Variants in PTPRK observed in about 807,000 individuals in gnomAD.
PTPRK encodes the protein receptor-type tyrosine-protein phosphatase kappa.
PTPRK carries 75 observed loss-of-function variants against 178.0 expected under a neutral mutation model. That is an observed-to-expected ratio of 0.42 (90% confidence interval 0.35 to 0.51). The LOEUF (loss-of-function observed/expected upper bound fraction) is 0.51. Among genes scored for constraint, PTPRK ranks in the 20% least tolerant of loss-of-function variants. PTPRK has a pLI of 0.02. For synonymous variants in PTPRK, 637 were observed against 620.6 expected (o/e 1.03, Z -0.39); for missense variants, 1,441 against 1,797.8 (o/e 0.80, Z 3.59).
intron 8 of PTPRK, among the ~76,000 whole-genome samples, chr6:128,084,436 T>G (rs151080423): frequency 4.6e-5 from 7 of 152,266 alleles, no homozygotes; most frequent in African/African-American, 9.6e-5. Context: ...GATGGATAGG[T>G]TCAAATGTCA....
chr6:128,248,285 T>TATAC (rs1324503165), intron 3 of PTPRK, among the ~76,000 whole-genome samples: 3 of 152,198 alleles, frequency 2.0e-5, no homozygotes, highest in Non-Finnish European at 4.4e-5. Flanking sequence ...TCTGTGTGTA[T>TATAC]ATACACATTA....
chr6:128,204,525 A>G (rs564175191), intron 6 of PTPRK, among the ~76,000 whole-genome samples: 12 of 152,328 alleles, frequency 7.9e-5, no homozygotes, highest in African/African-American at 2.9e-4. Flanking sequence ...TCCATCTGAC[A>G]AAAGTCTAAT....
At position 128,493,300 on chromosome 6, in the gene PTPRK, C is replaced by T. The variant is rs182317223; in HGVS notation, c.100+26959G>A. On this transcript the variant is annotated intron_variant, in intron 1 of 29. Transcript: ENST00000368226. ...CTAACTGGCTGGGCGCGGTGGCTCA[C>T]GCCTGCAATCCCAGCACTTTGGGAG... 1.9e-3 allele frequency among the ~76,000 whole-genome samples: 289 copies of T among 152,300 alleles called. 4 individuals are homozygous for T. The highest frequency in any genetic ancestry group is 0.014 in the Middle Eastern group (4 of 294).
chr6:128,115,952 T>A (rs1179860560), intron 7 of PTPRK, among the ~76,000 whole-genome samples: 1 of 152,086 alleles, frequency 6.6e-6, no homozygotes, highest in African/African-American at 2.4e-5. Flanking sequence ...CATTCACAAG[T>A]AAACACCCTC....
At chr6:128,332,506 G>A (rs1180378377) in intron 2 of PTPRK, among the ~76,000 whole-genome samples, 5 of 152,226 alleles carry the variant, frequency 3.3e-5, no homozygotes, top group African/African-American at 1.2e-4. Context: ...GCACACTGAC[G>A]AGAGGAATAG....
At chr6:128,275,700 A>T (rs1377019828) in intron 3 of PTPRK, among the ~76,000 whole-genome samples, 1 of 152,020 alleles carries the variant, frequency 6.6e-6, no homozygotes, top group African/African-American at 2.4e-5. Flanking sequence ...CATTGAGTAG[A>T]GGTTCTAATA....
chr6:128,266,010 C>T (rs1583790301), intron 3 of PTPRK, among the ~76,000 whole-genome samples: 1 of 152,062 alleles, frequency 6.6e-6, no homozygotes, highest in Non-Finnish European at 1.5e-5. Flanking sequence ...AAAATAGACC[C>T]TCATTAGACA....
intron 7 of PTPRK, among the ~76,000 whole-genome samples, chr6:128,101,654 T>TGAACAAAA (rs1788803252): frequency 6.6e-6 from 1 of 152,106 alleles, no homozygotes; most frequent in Admixed American, 6.5e-5. Flanking sequence ...TTGTTAGAGA[T>TGAACAAAA]TTCCTAGGAT....
chr6:128,199,516 A>G (rs1805515594), intron 6 of PTPRK, among the ~76,000 whole-genome samples: 1 of 149,268 alleles, frequency 6.7e-6, no homozygotes, highest in Non-Finnish European at 1.5e-5. Flanking sequence ...ATATACATTT[A>G]TCAAACTATA....
chr6:128,486,503 T>C (rs967849758), intron 1 of PTPRK, among the ~76,000 whole-genome samples: 5 of 152,168 alleles, frequency 3.3e-5, no homozygotes, highest in Non-Finnish European at 5.9e-5. Flanking sequence ...TTATAATTAT[T>C]GAAATAATTT....
At chr6:128,210,428 C>A in intron 6 of PTPRK, among the ~76,000 whole-genome samples, 1 of 113,676 alleles carries the variant, frequency 8.8e-6, no homozygotes, top group African/African-American at 3.5e-5. Flanking sequence ...AAAATAATTG[C>A]CATTTGGCCT....
intron 7 of PTPRK, among the ~76,000 whole-genome samples, chr6:128,096,593 T>C (rs939503242): frequency 6.6e-6 from 1 of 151,980 alleles, no homozygotes; most frequent in African/African-American, 2.4e-5. Flanking sequence ...CAGAGAAAAA[T>C]AGAAGATGTC....
chr6:128,337,239 C>T (rs575138611), intron 2 of PTPRK, among the ~76,000 whole-genome samples: 2 of 152,290 alleles, frequency 1.3e-5, no homozygotes, highest in African/African-American at 4.8e-5. Context: ...CAGCAGTAAA[C>T]TTCTTAAGGG....
chr6:128,103,529 G>A (rs1789148432), intron 7 of PTPRK, among the ~76,000 whole-genome samples: 1 of 152,096 alleles, frequency 6.6e-6, no homozygotes, highest in Non-Finnish European at 1.5e-5. Context: ...TCCTGCACCT[G>A]CCCATCTGCA....
intron 7 of PTPRK, among the ~76,000 whole-genome samples, chr6:128,095,874 C>A (rs971907498): frequency 6.6e-6 from 1 of 152,110 alleles, no homozygotes; most frequent in Non-Finnish European, 1.5e-5. Flanking sequence ...TCCAGTAAGT[C>A]CAAGGAAAAC....
At chr6:128,064,616 A>T in intron 13 of PTPRK, 142 bp downstream of exon 13, 4 of 972,842 alleles carry the variant, frequency 4.1e-6, no homozygotes, top group Non-Finnish European at 5.7e-6. Flanking sequence ...GCACCCCATT[A>T]GTTGTTAAAG....
chr6:128,039,471 A>G (rs748353379), intron 13 of PTPRK, among the ~76,000 whole-genome samples: 2 of 152,208 alleles, frequency 1.3e-5, no homozygotes, highest in Non-Finnish European at 2.9e-5. Context: ...ACATACAGCA[A>G]AGTTTCTATT....
At chr6:128,480,183 ACT>A (rs1379226413) in intron 1 of PTPRK, among the ~76,000 whole-genome samples, 2 of 152,096 alleles carry the variant, frequency 1.3e-5, no homozygotes, top group East Asian at 3.9e-4. Context: ...TGACAGCCTG[ACT>A]GTGGCTGAAA....
At chr6:128,052,438 C>A (rs140436662) in intron 13 of PTPRK, among the ~76,000 whole-genome samples, 1 of 152,200 alleles carries the variant, frequency 6.6e-6, no homozygotes, top group Admixed American at 6.6e-5. Context: ...CTTCAGCCTG[C>A]GCAGTCCAGC....
Sources: allele counts gnomAD v4.1 joint callset (sites outside exome capture counted in the v4.1 genomes callset), GRCh38; gene constraint gnomAD v4.1.1; transcripts MANE v1.5; gene names NCBI Gene and HGNC (gene_info 2026-07-23, HGNC 2026-07-21).